FRMD4A: variants seen among roughly 807,000 people sequenced by gnomAD.
The protein encoded by FRMD4A is FERM domain containing 4A, also known as FERM domain-containing protein 4A.
A neutral mutation model predicts 129.1 loss-of-function variants in FRMD4A; 29 were observed. The observed-to-expected ratio is 0.22, with a 90% CI of 0.17 to 0.31. The LOEUF (loss-of-function observed/expected upper bound fraction) is 0.31. FRMD4A is among the 10% of genes least tolerant of loss of function. FRMD4A has a pLI of 1.00. For missense variants in FRMD4A, 1,272 were observed against 1,375.8 expected (o/e 0.92, Z 1.19); for synonymous variants, 634 against 571.6 (o/e 1.11, Z -1.56).
At chr10:13,818,779 T>C (rs1000245432) in intron 3 of FRMD4A, among the ~76,000 whole-genome samples, 3 of 152,210 alleles carry the variant, frequency 2.0e-5, no homozygotes, top group Non-Finnish European at 1.5e-5. Context: ...ATGCCTGGCA[T>C]GGAACGTTAC....
intron 8 of FRMD4A, among the ~76,000 whole-genome samples, chr10:13,750,799 AAAC>A (rs1260734088): frequency 3.9e-5 from 6 of 152,210 alleles, no homozygotes; most frequent in Non-Finnish European, 8.8e-5. Context: ...GGTGATTTTC[AAAC>A]GGGTAAACTC....
At chr10:13,931,565 C>A (rs2095195344) in intron 2 of FRMD4A, among the ~76,000 whole-genome samples, 1 of 152,102 alleles carries the variant, frequency 6.6e-6, no homozygotes, top group Non-Finnish European at 1.5e-5. Context: ...CTACCCTGTG[C>A]AGTAAAGCCT....
At chr10:14,081,867 C>T (rs551357458) in intron 2 of FRMD4A, among the ~76,000 whole-genome samples, 66 of 152,192 alleles carry the variant, frequency 4.3e-4, no homozygotes, top group Admixed American at 1.2e-3. Flanking sequence ...CCTACACTGC[C>T]CCAGACTATT....
chr10:13,808,604 T>G (rs1274039072), intron 4 of FRMD4A, among the ~76,000 whole-genome samples: 1 of 152,226 alleles, frequency 6.6e-6, no homozygotes, highest in Non-Finnish European at 1.5e-5. Context: ...CCGCCAGGAC[T>G]GACAGCCCTT....
chr10:14,236,276 A>G (rs1024149955), intron 2 of FRMD4A, among the ~76,000 whole-genome samples: 2 of 152,238 alleles, frequency 1.3e-5, no homozygotes, highest in Non-Finnish European at 2.9e-5. Flanking sequence ...GAATGCACGC[A>G]TGAAGCGTGG....
At chr10:13,971,744 C>T (rs1162902894) in intron 2 of FRMD4A, 2 of 1,304,452 alleles carry the variant, frequency 1.5e-6, no homozygotes, top group South Asian at 2.5e-5. Context: ...CAGCGCCCGA[C>T]AAGTCAGGTT....
At chr10:13,705,296 G>A (rs56396945) in intron 13 of FRMD4A, among the ~76,000 whole-genome samples, 50,699 of 151,974 alleles carry the variant, frequency 0.33, 9,739 homozygotes, top group East Asian at 0.48. Flanking sequence ...CTGGGCTTTG[G>A]TAAAGAGAGT....
chr10:14,070,981 C>G (rs1189908038), intron 2 of FRMD4A, among the ~76,000 whole-genome samples: 1 of 152,184 alleles, frequency 6.6e-6, no homozygotes, highest in Non-Finnish European at 1.5e-5. Context: ...GATTGCAAGA[C>G]AAAATTCATG....
intron 15 of FRMD4A, among the ~76,000 whole-genome samples, chr10:13,680,319 T>G (rs2084431216): frequency 6.6e-6 from 1 of 152,056 alleles, no homozygotes; most frequent in South Asian, 2.1e-4. Context: ...CCAAAAATTC[T>G]AATTTCAAAT....
chr10:14,288,527 G>T (rs553184296), intron 2 of FRMD4A, among the ~76,000 whole-genome samples: 1 of 152,260 alleles, frequency 6.6e-6, no homozygotes, highest in South Asian at 2.1e-4. Flanking sequence ...GAGCGATTTT[G>T]CAAGGCTTCA....
chr10:14,185,328 A>C (rs1204361266), intron 2 of FRMD4A, among the ~76,000 whole-genome samples: 5 of 152,170 alleles, frequency 3.3e-5, no homozygotes, highest in African/African-American at 7.2e-5. Context: ...TCATTTTTTC[A>C]TTTAGTTCTA....
chr10:13,701,248 G>T, intron 14 of FRMD4A, 92 bp downstream of exon 14: 1 of 1,196,968 alleles, frequency 8.4e-7, no homozygotes, highest in Non-Finnish European at 1.2e-6. Context: ...CCGGGCAAGG[G>T]ACATGGCGCC....
chr10:14,185,536 A>T (rs1475844755), intron 2 of FRMD4A, among the ~76,000 whole-genome samples: 4 of 151,420 alleles, frequency 2.6e-5, no homozygotes, highest in Non-Finnish European at 5.9e-5. Flanking sequence ...GAACTATGGA[A>T]ACTTGAAACA....
At chr10:13,891,113 T>C (rs1007893219) in intron 2 of FRMD4A, among the ~76,000 whole-genome samples, 5 of 152,142 alleles carry the variant, frequency 3.3e-5, no homozygotes, top group African/African-American at 1.2e-4. Context: ...TTCCCTTCTG[T>C]TCTCCTCCCC....
At chr10:14,016,552 TAGCC>T (rs2131641061) in intron 2 of FRMD4A, among the ~76,000 whole-genome samples, 1 of 152,346 alleles carries the variant, frequency 6.6e-6, no homozygotes, top group South Asian at 2.1e-4. Context: ...CCATCCGGCT[TAGCC>T]ACCTATTTTG....
intron 5 of FRMD4A, among the ~76,000 whole-genome samples, chr10:13,794,523 G>A (rs184583808): frequency 6.6e-6 from 1 of 152,092 alleles, no homozygotes; most frequent in East Asian, 1.9e-4. Context: ...AGGGAGGAGA[G>A]AGAAGATAAT....
intron 8 of FRMD4A, among the ~76,000 whole-genome samples, chr10:13,758,032 C>T (rs762878833): frequency 6.6e-6 from 1 of 152,242 alleles, no homozygotes; most frequent in Non-Finnish European, 1.5e-5. Context: ...GCATGAGCCA[C>T]CACACCCAGC....
intron 3 of FRMD4A, among the ~76,000 whole-genome samples, chr10:13,820,552 A>G (rs534346515): frequency 1.3e-5 from 2 of 152,300 alleles, no homozygotes; most frequent in South Asian, 4.1e-4. Flanking sequence ...TCAAAAAAAA[A>G]AAAAAAATTC....
chr10:13,737,337 G>A (rs1180202630), intron 12 of FRMD4A, among the ~76,000 whole-genome samples: 1 of 152,150 alleles, frequency 6.6e-6, no homozygotes, highest in African/African-American at 2.4e-5. Context: ...TGATCCACCT[G>A]CCTCAGGCTC....
Sources: allele counts gnomAD v4.1 joint callset (sites outside exome capture counted in the v4.1 genomes callset), GRCh38; gene constraint gnomAD v4.1.1; transcripts MANE v1.5; gene names NCBI Gene and HGNC (gene_info 2026-07-23, HGNC 2026-07-21).